Variants in RALGAPA1 observed in about 807,000 individuals in gnomAD.
The protein encoded by RALGAPA1 is ral GTPase-activating protein subunit alpha-1.
RALGAPA1 carries 52 observed loss-of-function variants against 269.6 expected under a neutral mutation model. The observed-to-expected ratio is 0.19, with a 90% CI of 0.15 to 0.24. The LOEUF is 0.24. Ranked by LOEUF, RALGAPA1 falls within the 10% of genes least tolerant of loss-of-function variation. RALGAPA1 has a pLI of 1.00. For missense variants in RALGAPA1, 1,917 were observed against 3,013.9 expected (o/e 0.64, Z 8.52); for synonymous variants, 817 against 1,008.3 (o/e 0.81, Z 3.60).
At chr14:35,693,857 G>T (rs917036687) in intron 17 of RALGAPA1, among the ~76,000 whole-genome samples, 2 of 151,814 alleles carry the variant, frequency 1.3e-5, no homozygotes, top group African/African-American at 2.4e-5. Flanking sequence ...TAAAAAACCG[G>T]TTTTTTCCCG....
At chr14:35,658,067 T>A (rs947755873) in intron 28 of RALGAPA1, among the ~76,000 whole-genome samples, 1 of 152,224 alleles carries the variant, frequency 6.6e-6, no homozygotes, top group Non-Finnish European at 1.5e-5. Context: ...TTTCTAAGCA[T>A]CAGTATCTGG....
chr14:35,685,471 G>A (rs898494621), intron 19 of RALGAPA1, among the ~76,000 whole-genome samples: 2 of 152,080 alleles, frequency 1.3e-5, no homozygotes, highest in African/African-American at 4.8e-5. Flanking sequence ...CAGTGGAAGA[G>A]TGGAAAGAAT....
intron 13 of RALGAPA1, among the ~76,000 whole-genome samples, 169 bp from the exon 14 acceptor site, chr14:35,725,322 T>G (rs1261086665): frequency 6.6e-6 from 1 of 152,234 alleles, no homozygotes; most frequent in African/African-American, 2.4e-5. Context: ...AATTACATTT[T>G]ATGTATCTAC....
chr14:35,620,615 A>G (rs575937419), intron 35 of RALGAPA1, among the ~76,000 whole-genome samples: 1 of 152,312 alleles, frequency 6.6e-6, no homozygotes, highest in South Asian at 2.1e-4. Flanking sequence ...AGAAAACCCC[A>G]TCGTCTCAGC....
chr14:35,588,528 T>G (rs554156435), intron 37 of RALGAPA1, among the ~76,000 whole-genome samples: 97 of 152,334 alleles, frequency 6.4e-4, no homozygotes, highest in African/African-American at 2.3e-3. Flanking sequence ...GTTTGCAATC[T>G]AAGATACTAT....
At chr14:35,671,336 A>T in intron 26 of RALGAPA1, 53 bp downstream of exon 26, 8 of 1,440,090 alleles carry the variant, frequency 5.6e-6, no homozygotes, top group Non-Finnish European at 7.4e-6. Context: ...CAACTTTGTT[A>T]GTTGAATCCT....
intron 7 of RALGAPA1, 102 bp from the exon 8 acceptor site, chr14:35,752,264 GAAC>G: frequency 5.6e-6 from 7 of 1,259,172 alleles, no homozygotes; most frequent in Non-Finnish European, 7.4e-6. Context: ...GCAATACACT[GAAC>G]TGTTAACACT....
chr14:35,615,704 G>A (rs1350357746), intron 35 of RALGAPA1, among the ~76,000 whole-genome samples: 1 of 152,116 alleles, frequency 6.6e-6, no homozygotes. Flanking sequence ...GTTTGTATGA[G>A]AATTGAGGTA....
At chr14:35,559,595 C>T (rs999947396) in intron 39 of RALGAPA1, among the ~76,000 whole-genome samples, 3 of 152,192 alleles carry the variant, frequency 2.0e-5, no homozygotes, top group Non-Finnish European at 4.4e-5. Flanking sequence ...GTACTTTGTC[C>T]GTGCCCTGAT....
chr14:35,623,925 AAAAC>A (rs1454506855), intron 35 of RALGAPA1, among the ~76,000 whole-genome samples: 1 of 152,068 alleles, frequency 6.6e-6, no homozygotes, highest in African/African-American at 2.4e-5. Flanking sequence ...TAAAAATACA[AAAAC>A]AAAATTAGCT....
intron 35 of RALGAPA1, among the ~76,000 whole-genome samples, chr14:35,614,867 G>A (rs1475182641): frequency 6.6e-6 from 1 of 152,044 alleles, no homozygotes; most frequent in Admixed American, 6.5e-5. Flanking sequence ...AGAAGAGCTG[G>A]ATAGAAATCT....
chr14:35,783,852 C>T (rs540078685), intron 1 of RALGAPA1, among the ~76,000 whole-genome samples: 1 of 151,952 alleles, frequency 6.6e-6, no homozygotes, highest in Non-Finnish European at 1.5e-5. Flanking sequence ...CAAAGCAAAA[C>T]CACAATGAGA....
intron 10 of RALGAPA1, among the ~76,000 whole-genome samples, chr14:35,746,574 C>A (rs2072124333): frequency 6.6e-6 from 1 of 151,768 alleles, no homozygotes; most frequent in African/African-American, 2.4e-5. Flanking sequence ...TGGGAAAACC[C>A]CATAAAATTA....
At position 35,585,544 on chromosome 14, in the gene RALGAPA1, T is replaced by A. The variant is rs1028474012; in HGVS notation, c.7209+10090A>T. On this transcript the variant is annotated intron_variant, in intron 37 of 41. Coordinates refer to ENST00000680220, the MANE Select transcript of RALGAPA1 (RefSeq NM_001346249.2). ...AAAATGGTTTAAAAAATAGTTAAAA[T>A]GAACTTATTCTCTAATAAATCTAGT... Among the ~76,000 whole-genome samples the A allele has an allele frequency of 3.7e-4, 57 of 152,224 alleles. 3 individuals carry two copies. The highest frequency in any genetic ancestry group is 5.9e-5 in the Non-Finnish European group (4 of 68,024).
chr14:35,621,520 G>C (rs550820380), intron 35 of RALGAPA1, among the ~76,000 whole-genome samples: 1 of 152,014 alleles, frequency 6.6e-6, no homozygotes, highest in East Asian at 1.9e-4. Context: ...AATGGGATCT[G>C]ATTAAACTAA....
intron 1 of RALGAPA1, among the ~76,000 whole-genome samples, chr14:35,803,366 C>T (rs1189237616): frequency 6.6e-6 from 1 of 151,962 alleles, no homozygotes; most frequent in Non-Finnish European, 1.5e-5. Context: ...GAAAATAGAT[C>T]CTAAAACTGT....
At chr14:35,615,150 T>C (rs1002378798) in intron 35 of RALGAPA1, among the ~76,000 whole-genome samples, 3 of 152,170 alleles carry the variant, frequency 2.0e-5, no homozygotes, top group Admixed American at 6.5e-5. Context: ...AACTTGCAAC[T>C]ACAAATGTTC....
At chr14:35,611,406 G>A (rs1357838561) in intron 35 of RALGAPA1, among the ~76,000 whole-genome samples, 2 of 152,080 alleles carry the variant, frequency 1.3e-5, no homozygotes, top group African/African-American at 4.8e-5. Flanking sequence ...GGAGGCTGAG[G>A]CAGGAGAATC....
intron 31 of RALGAPA1, among the ~76,000 whole-genome samples, chr14:35,640,142 G>A (rs576660794): frequency 1.3e-5 from 2 of 151,692 alleles, no homozygotes; most frequent in African/African-American, 2.4e-5. Flanking sequence ...GCAGAAAAAC[G>A]TCAAGTAAAC....
Sources: gnomAD v4.1 joint callset for allele counts (sites outside exome capture counted in the v4.1 genomes callset) on GRCh38, gnomAD v4.1.1 for gene constraint, MANE v1.5 for transcripts, NCBI Gene and HGNC (gene_info 2026-07-23, HGNC 2026-07-21) for gene names.